TRIP12: variants seen among roughly 807,000 people sequenced by gnomAD.
The protein encoded by TRIP12 is E3 ubiquitin-protein ligase TRIP12.
In TRIP12, 25 loss-of-function variants were observed where a neutral mutation model predicts 244.2. The observed-to-expected ratio is 0.10, with a 90% CI of 0.07 to 0.14. TRIP12 has a LOEUF of 0.14. Ranked by LOEUF, TRIP12 falls within the 10% of genes least tolerant of loss-of-function variation. The pLI is 1.00. For synonymous variants in TRIP12, 905 were observed against 873.1 expected (o/e 1.04, Z -0.64); for missense variants, 1,677 against 2,486.4 (o/e 0.67, Z 6.92).
intron 18 of TRIP12, 26 bp from the exon 19 acceptor site, chr2:229,804,253 TGCAATCCTGA>T: frequency 6.4e-7 from 1 of 1,555,862 alleles, no homozygotes; most frequent in Non-Finnish European, 8.8e-7. Flanking sequence ...AAAATATATG[TGCAATCCTGA>T]AGTGACAGAC....
chr2:229,874,347 T>C (rs1487410804), intron 2 of TRIP12, among the ~76,000 whole-genome samples: 5 of 152,164 alleles, frequency 3.3e-5, no homozygotes, highest in African/African-American at 1.2e-4. Flanking sequence ...AAGTATTAAA[T>C]TGGCCCAAGA....
At chr2:229,851,275 C>T (rs1172687087) in intron 4 of TRIP12, among the ~76,000 whole-genome samples, 4 of 152,156 alleles carry the variant, frequency 2.6e-5, no homozygotes, top group Admixed American at 6.5e-5. Flanking sequence ...CACACCAATC[C>T]GCACCCTGTG....
intron 23 of TRIP12, 75 bp from the exon 24 acceptor site, chr2:229,797,906 G>C: frequency 7.0e-7 from 1 of 1,423,926 alleles, no homozygotes; most frequent in Non-Finnish European, 9.6e-7. Context: ...AAGGCAAATA[G>C]CTGCTACATT....
intron 7 of TRIP12, among the ~76,000 whole-genome samples, chr2:229,830,294 T>A (rs536953979): frequency 6.6e-6 from 1 of 152,314 alleles, no homozygotes; most frequent in African/African-American, 2.4e-5. Flanking sequence ...TTTTGAATTT[T>A]TGCATGAGTG....
rs1026704569 is a variant in TRIP12 at position 229,807,671 on chromosome 2, A to C, written c.2496+37T>G. 12 of 1,613,642 alleles carry C rather than the reference A, an allele frequency of 7.4e-6. No homozygotes were observed. In the Admixed American group the frequency reaches 1.5e-4, roughly 20 times the overall value. On this transcript the variant is annotated intron_variant, in intron 17 of 41. Transcript: ENST00000675903. The stretch of plus-strand genomic sequence containing the variant: ...CCATCCCTACACCCACTCTCCAACA[A>C]AATAGACACATTTAAACGGTACGAT...
chr2:229,769,148 C>G, intron 40 of TRIP12, 83 bp downstream of exon 40: 1 of 1,181,398 alleles, frequency 8.5e-7, no homozygotes, highest in Non-Finnish European at 1.2e-6. Context: ...GTTGTTTACA[C>G]ATGTGCGCAT....
chr2:229,799,276 G>A lies in TRIP12; in HGVS notation c.3307+7C>T, dbSNP rs767616307. The A allele has an allele frequency of 1.2e-6, 2 of 1,613,846 alleles. No individual in the cohort carries two copies. The highest frequency in any genetic ancestry group is 1.1e-5 in the South Asian group (1 of 91,062). ...TTACCTCCCCATAGTTTCATCAAAGGGGTTACCTTGATTGTCTACTTTGTC... is the reference window on the plus strand; with the variant it reads ...TTACCTCCCCATAGTTTCATCAAAGAGGTTACCTTGATTGTCTACTTTGTC... On this transcript the variant is annotated splice_region_variant and intron_variant, in intron 22 of 41. Transcript: ENST00000675903.
rs2032878666 is a variant in TRIP12, at chr2:229,768,673, C to T, written c.5950G>A (p.Glu1984Lys). ...LFEILSSFDNEQQRLFLQFVT... is the reference protein window; with the variant it reads ...LFEILSSFDNKQQRLFLQFVT... ...AACTGGAGAAATAACCTCTGCTGCT[C>T]ATTATCAAAACTACTGAGAATCTCA... The change falls in exon 41 of 42, where the codon GAG (glutamate) becomes AAG (lysine). Residue 1984 changes from glutamate to lysine, a missense_variant. Glu to Lys is a moderately conservative substitution (Grantham distance 56). Around this residue, in one of 11 missense-constraint regions of TRIP12, gnomAD observed 171 missense variants for 388.4 expected, o/e 0.44. Transcript: ENST00000675903. The T allele has an allele frequency of 6.2e-7, 1 of 1,610,796 alleles. No individual in the cohort carries two copies. Among genetic ancestry groups the T allele is most frequent in the Admixed American group, 1.7e-5 (1 of 58,796 alleles).
intron 8 of TRIP12, among the ~76,000 whole-genome samples, chr2:229,823,745 T>C (rs1186519439): frequency 6.6e-6 from 1 of 151,528 alleles, no homozygotes; most frequent in Non-Finnish European, 1.5e-5. Context: ...CCCAGCAACT[T>C]AGAAACTGAA....
intron 1 of TRIP12, among the ~76,000 whole-genome samples, chr2:229,920,224 G>A (rs2076242822): frequency 6.6e-6 from 1 of 152,120 alleles, no homozygotes; most frequent in Non-Finnish European, 1.5e-5. Context: ...TTAAAGAGGA[G>A]ACTCTGAGAC....
At chr2:229,861,130 T>A (rs2060411341) in intron 2 of TRIP12, among the ~76,000 whole-genome samples, 1 of 152,128 alleles carries the variant, frequency 6.6e-6, no homozygotes, top group Admixed American at 6.5e-5. Context: ...TTTAAAGTAC[T>A]TGTCAACAGA....
rs199534503 is a variant in TRIP12, at chr2:229,787,637, G to A, written c.4863C>T (p.Thr1621=). The A allele has an allele frequency of 3.7e-6, 6 of 1,603,984 alleles. No homozygotes were observed. In the South Asian group the frequency reaches 4.5e-5, roughly 12 times the overall value. The change falls in exon 33 of 42, where the codon ACC becomes ACT. Residue 1621 remains threonine, a synonymous_variant. Coordinates refer to ENST00000675903, the MANE Select transcript of TRIP12 (RefSeq NM_001348323.3). Reference sequence around the variant, plus strand: ...CAGTTACATAAAAAAGCATTTGCCGGGTATCAAAAGGAAAGAAAAATGGGC... The same window carrying A: ...CAGTTACATAAAAAAGCATTTGCCGAGTATCAAAAGGAAAGAAAAATGGGC... ...KTCPFFFPFD[T]RQMLFYVTAF... is the part of the protein sequence containing the mutation.
chr2:229,870,053 G>A (rs948668211), intron 2 of TRIP12, among the ~76,000 whole-genome samples: 3 of 152,166 alleles, frequency 2.0e-5, no homozygotes, highest in African/African-American at 7.2e-5. Flanking sequence ...GAGGGAGTAC[G>A]TCGATTCCCC....
At chr2:229,866,211 A>C (rs551337285) in intron 2 of TRIP12, among the ~76,000 whole-genome samples, 1 of 152,204 alleles carries the variant, frequency 6.6e-6, no homozygotes, top group Non-Finnish European at 1.5e-5. Context: ...CAGTTCTTAC[A>C]TATTAAATTT....
rs768389953 is a variant in TRIP12 at position 229,808,243 on chromosome 2, A to G, written c.2339+9T>C. 2.5e-6 allele frequency: 4 copies of G among 1,602,408 alleles called. No homozygotes were observed. The highest frequency in any genetic ancestry group is 3.3e-5 in the Admixed American group (2 of 59,958). ...GGCCTCCCAAAGTGATATTTAGCCCAATCTTTACCAAATCAGAGATGTCAG... is the reference window on the plus strand; with the variant it reads ...GGCCTCCCAAAGTGATATTTAGCCCGATCTTTACCAAATCAGAGATGTCAG... On this transcript the variant is annotated intron_variant, in intron 16 of 41. Transcript: ENST00000675903.
chr2:229,785,936 C>T, intron 33 of TRIP12, 81 bp from the exon 34 acceptor site: 2 of 1,280,238 alleles, frequency 1.6e-6, no homozygotes, highest in Non-Finnish European at 2.1e-6. Flanking sequence ...TCTTGAAATG[C>T]AAAAGAACAA....
chr2:229,789,618 A>C lies in TRIP12; in HGVS notation c.4688T>G (p.Leu1563Trp). The change falls in exon 31 of 42, where the codon TTG becomes TGG. Residue 1563 changes from leucine (L) to tryptophan (W), a missense_variant. This residue lies in a region of TRIP12 where 265 missense variants were observed against 370.8 expected (regional missense o/e 0.71). Coordinates refer to ENST00000675903, the MANE Select transcript of TRIP12 (RefSeq NM_001348323.3). ...ATAGGCAACATTACTCACATCATAC[A>C]AGTAATACCAGTATCGACTGATAGC... ...LHAISRYWYYLYDNAMCKEII... is the reference protein window; with the variant it reads ...LHAISRYWYYWYDNAMCKEII... The C allele has an allele frequency of 1.2e-6, 2 of 1,613,620 alleles. No individual in the cohort carries two copies. The highest frequency in any genetic ancestry group is 1.7e-6 in the Non-Finnish European group (2 of 1,179,762).
At position 229,807,694 on chromosome 2, in the gene TRIP12, G is replaced by C. The variant is rs757270906; in HGVS notation, c.2496+14C>G. 3.1e-6 allele frequency: 5 copies of C among 1,614,024 alleles called. No homozygotes were observed. Among genetic ancestry groups the C allele is most frequent in the Non-Finnish European group, 2.5e-6 (3 of 1,179,974 alleles). On this transcript the variant is annotated intron_variant, in intron 17 of 41. Transcript: ENST00000675903. ...CAAAATAGACACATTTAAACGGTAC[G>C]ATGAAACTACTACCTCAATGATCCG... is the stretch of plus-strand genomic sequence containing the variant.
intron 2 of TRIP12, among the ~76,000 whole-genome samples, chr2:229,860,816 T>G (rs556693314): frequency 2.2e-4 from 33 of 152,326 alleles, no homozygotes; most frequent in African/African-American, 7.9e-4. Context: ...TAACACATTT[T>G]TCAGCAATTT....
Sources: gnomAD v4.1 joint callset for allele counts (sites outside exome capture counted in the v4.1 genomes callset) on GRCh38, gnomAD v4.1.1 for gene constraint, gnomAD v4.1.1 regional missense constraint, MANE v1.5 for transcripts, NCBI Gene and HGNC (gene_info 2026-07-23, HGNC 2026-07-21) for gene names.